ANKDD1B: variants seen among roughly 807,000 people sequenced by gnomAD.
The protein encoded by ANKDD1B is ankyrin repeat and death domain containing 1B.
Under a neutral mutation model 59.7 loss-of-function variants are expected in ANKDD1B, and 57 were observed. The ratio of observed to expected loss-of-function variants is 0.95; its 90% CI spans 0.77 to 1.19. The LOEUF (loss-of-function observed/expected upper bound fraction) is 1.19. Ranked by LOEUF, ANKDD1B falls within the 50% of genes most tolerant of loss-of-function variation. The pLI is 0.00. For missense variants in ANKDD1B, 602 were observed against 641.9 expected (o/e 0.94, Z 0.67); for synonymous variants, 216 against 239.5 (o/e 0.90, Z 0.91).
chr5:75,635,681 A>T, intron 6 of ANKDD1B, 103 bp from the exon 7 acceptor site: 1 of 673,534 alleles, frequency 1.5e-6, no homozygotes, highest in Non-Finnish European at 2.4e-6. Context: ...CCGCAGCTTT[A>T]ACCAAAATGA....
intron 13 of ANKDD1B, among the ~76,000 whole-genome samples, 186 bp downstream of exon 13, chr5:75,669,569 A>G (rs1363918075): frequency 6.6e-6 from 1 of 152,166 alleles, no homozygotes; most frequent in East Asian, 1.9e-4. Flanking sequence ...GACCCAGTCA[A>G]TACTGGTTAC....
At chr5:75,632,016 A>G (rs1774175644) in intron 5 of ANKDD1B, among the ~76,000 whole-genome samples, 1 of 151,578 alleles carries the variant, frequency 6.6e-6, no homozygotes, top group Non-Finnish European at 1.5e-5. Context: ...CTGACGCAGG[A>G]GACTTCCTTG....
chr5:75,634,820 A>C (rs917619323), intron 5 of ANKDD1B, 78 bp from the exon 6 acceptor site: 1 of 914,534 alleles, frequency 1.1e-6, no homozygotes, highest in South Asian at 1.5e-5. Flanking sequence ...CATCCTTGAA[A>C]TGTCGCTAGC....
chr5:75,630,820 G>A (rs1034191538), intron 5 of ANKDD1B, among the ~76,000 whole-genome samples: 3 of 152,212 alleles, frequency 2.0e-5, no homozygotes, highest in Non-Finnish European at 2.9e-5. Context: ...TTTCTTAGCT[G>A]TCTGCCTGTC....
In ANKDD1B at chr5:75,621,790, T is replaced by G. The variant is rs192999972; in HGVS notation, c.396+1377T>G. On this transcript the variant is annotated intron_variant, in intron 3 of 13. Transcript: ENST00000601380. ...AATTATTCCTGAAATGATGGAGAGATATTTCACCAACTTGTTCTCCTTGAG... is the reference window on the plus strand; with the variant it reads ...AATTATTCCTGAAATGATGGAGAGAGATTTCACCAACTTGTTCTCCTTGAG... 7.3e-4 allele frequency among the ~76,000 whole-genome samples: 111 copies of G among 152,360 alleles called. 1 individual carries two copies. The highest frequency in any genetic ancestry group is 1.4e-3 in the Non-Finnish European group (92 of 68,030).
intron 11 of ANKDD1B, among the ~76,000 whole-genome samples, chr5:75,665,753 G>T (rs1191225460): frequency 5.9e-5 from 9 of 152,276 alleles, no homozygotes; most frequent in African/African-American, 2.2e-4. Flanking sequence ...GGAGGTTTCT[G>T]ATGCTGTGAA....
Position 75,625,675 on chromosome 5 carries a change from C to T in ANKDD1B, c.425C>T (p.Ala142Val). 6.5e-7 allele frequency: 1 copy of T among 1,536,448 alleles called. No homozygotes were observed. Among genetic ancestry groups the T allele is most frequent in the Non-Finnish European group, 8.7e-7 (1 of 1,146,978 alleles). ...KHGLTVIHLA[A>V]WSGSLEVMLM... ...GGCTTGACAGTAATTCACCTTGCAGCCTGGTCTGGGAGCCTTGAGGTCATG... is the reference window on the plus strand; with the variant it reads ...GGCTTGACAGTAATTCACCTTGCAGTCTGGTCTGGGAGCCTTGAGGTCATG... Residue 142 changes from alanine to valine, a missense_variant, in exon 4 of 14, where the codon GCC becomes GTC. Ala to Val is a moderately conservative substitution (Grantham distance 64). Coordinates refer to ENST00000601380, the MANE Select transcript of ANKDD1B (RefSeq NM_001276713.2).
intron 7 of ANKDD1B, among the ~76,000 whole-genome samples, chr5:75,641,175 GTTA>G (rs992040809): frequency 6.6e-6 from 1 of 152,120 alleles, no homozygotes; most frequent in Non-Finnish European, 1.5e-5. Flanking sequence ...TTGAGACTGT[GTTA>G]TTATTTTTAT....
intron 7 of ANKDD1B, among the ~76,000 whole-genome samples, chr5:75,637,264 A>T: frequency 8.9e-6 from 1 of 111,832 alleles, no homozygotes. Flanking sequence ...AAAAAAAAAA[A>T]AAAAAAAAAG....
At chr5:75,631,632 G>A (rs753749696) in intron 5 of ANKDD1B, among the ~76,000 whole-genome samples, 18 of 152,162 alleles carry the variant, frequency 1.2e-4, no homozygotes, top group East Asian at 3.8e-4. Context: ...GCAACTAAGC[G>A]CTCATCTGGG....
At chr5:75,649,206 G>A (rs1338955696) in intron 7 of ANKDD1B, among the ~76,000 whole-genome samples, 1 of 144,398 alleles carries the variant, frequency 6.9e-6, no homozygotes, top group Non-Finnish European at 1.5e-5. Context: ...TTTTTTGCTG[G>A]TAATTGCTCT....
chr5:75,614,016 C>T (rs773016687), intron 1 of ANKDD1B, among the ~76,000 whole-genome samples: 5 of 152,114 alleles, frequency 3.3e-5, no homozygotes, highest in African/African-American at 7.2e-5. Context: ...AATAAGTTGG[C>T]GAGGGTCTCT....
At chr5:75,661,040 T>C (rs556968850) in intron 10 of ANKDD1B, among the ~76,000 whole-genome samples, 3 of 152,146 alleles carry the variant, frequency 2.0e-5, no homozygotes, top group East Asian at 1.9e-4. Flanking sequence ...GTTATTTTAC[T>C]TTTCTCTGTG....
chr5:75,666,657 C>A, intron 11 of ANKDD1B, 135 bp from the exon 12 acceptor site: 1 of 617,562 alleles, frequency 1.6e-6, no homozygotes. Context: ...TATATATGAT[C>A]CAGTGACAGG....
intron 5 of ANKDD1B, among the ~76,000 whole-genome samples, chr5:75,627,529 C>T (rs1205635805): frequency 2.0e-5 from 3 of 152,142 alleles, no homozygotes; most frequent in Non-Finnish European, 4.4e-5. Context: ...ACTGTTGTAA[C>T]AATTGTTATA....
intron 9 of ANKDD1B, among the ~76,000 whole-genome samples, chr5:75,657,887 A>C (rs907236741): frequency 6.8e-6 from 1 of 147,070 alleles, no homozygotes; most frequent in Admixed American, 6.9e-5. Flanking sequence ...ACAGAGTGAG[A>C]CTCCATCTCA....
chr5:75,662,443 C>T (rs1775181592), intron 10 of ANKDD1B, among the ~76,000 whole-genome samples: 1 of 152,090 alleles, frequency 6.6e-6, no homozygotes, highest in South Asian at 2.1e-4. Context: ...TAAGATAATA[C>T]TTGGGATATA....
Position 75,669,318 on chromosome 5 carries a change from C to T in ANKDD1B, c.1460C>T (p.Thr487Ile). 1 of 1,231,814 alleles carries T rather than the reference C, an allele frequency of 8.1e-7. No homozygotes were observed. The highest frequency in any genetic ancestry group is 1.0e-6 in the Non-Finnish European group (1 of 987,664). 76.3% of individuals were successfully genotyped at this position (1,231,814 alleles called of 1,614,324 possible). Residue 487 changes from threonine to isoleucine, a missense_variant, in exon 13 of 14, where the codon ACT becomes ATT. Thr to Ile is a moderately conservative substitution (Grantham distance 89). Around this residue, in one of 3 missense-constraint regions of ANKDD1B, gnomAD observed 280 missense variants for 319.8 expected, o/e 0.88. Coordinates refer to ENST00000601380, the MANE Select transcript of ANKDD1B (RefSeq NM_001276713.2). ...ATCTGGCTACACGGGACCCTGATGA[C>T]TCAGGGTGACCCGGCCAAGCAACTG... ...LLIWLHGTLM[T>I]QGDPAKQLYE...
At chr5:75,613,165 G>A (rs1299015369) in intron 1 of ANKDD1B, among the ~76,000 whole-genome samples, 1 of 152,178 alleles carries the variant, frequency 6.6e-6, no homozygotes, top group Non-Finnish European at 1.5e-5. Flanking sequence ...CATGGGTTGA[G>A]ACAAGACTGT....
Sources: gnomAD v4.1 joint callset for allele counts (sites outside exome capture counted in the v4.1 genomes callset) on GRCh38, gnomAD v4.1.1 for gene constraint, gnomAD v4.1.1 regional missense constraint, MANE v1.5 for transcripts, NCBI Gene and HGNC (gene_info 2026-07-23, HGNC 2026-07-21) for gene names.